FBXL18: variants seen among roughly 807,000 people sequenced by gnomAD.
FBXL18 encodes F-box/LRR-repeat protein 18.
FBXL18 carries 36 observed loss-of-function variants against 46.0 expected under a neutral mutation model. The observed-to-expected ratio is 0.78, with a 90% CI of 0.60 to 1.03. The LOEUF is 1.03. FBXL18 is among the 50% of genes least tolerant of loss of function. FBXL18 has a pLI of 0.00. For missense variants in FBXL18, 977 were observed against 1,004.1 expected (o/e 0.97, Z 0.36); for synonymous variants, 557 against 465.3 (o/e 1.20, Z -2.54).
chr7:5,509,137 G>A (rs982023350), intron 1 of FBXL18, among the ~76,000 whole-genome samples: 1 of 149,714 alleles, frequency 6.7e-6, no homozygotes, highest in African/African-American at 2.5e-5. Context: ...AGGTTGCAGT[G>A]AGCCGAGATC....
chr7:5,496,389 G>A lies in FBXL18; in HGVS notation c.1781+4099C>T, dbSNP rs1426688924. ...CCTCCCTTGCTGACAGCCTCTGCTC[G>A]GTCTCCCTTCCACATTCTTCTTCCT... On this transcript the variant is annotated intron_variant, in intron 3 of 4. Transcript: ENST00000382368. This position sits in a 1 kb window ranked among gnomAD's most constrained non-coding sequence, Gnocchi z 4.8. 2.0e-5 allele frequency among the ~76,000 whole-genome samples: 3 copies of A among 152,244 alleles called. No individual in the cohort carries two copies. The highest frequency in any genetic ancestry group is 3.4e-3 in the Middle Eastern group (1 of 294).
intron 4 of FBXL18, chr7:5,490,249 G>C (rs1240576529): frequency 7.7e-7 from 1 of 1,294,452 alleles, no homozygotes; most frequent in Non-Finnish European, 1.0e-6. Flanking sequence ...TTCATGTCCT[G>C]CTGCCCCCTT....
In FBXL18 at chr7:5,464,640, G is replaced by A. The variant is rs548385860; in HGVS notation, c.2001-16797C>T. 2.5e-4 allele frequency among the ~76,000 whole-genome samples: 27 copies of A among 110,160 alleles called. 1 individual carries two copies. Among genetic ancestry groups the A allele is most frequent in the Non-Finnish European group, 5.0e-5 (3 of 59,704 alleles). 72.3% of individuals were successfully genotyped at this position (110,160 alleles called of 152,430 possible). ...ATGACACCACTGAACTCTAGCCTGG[G>A]CCAATGAGCAAAACTCTTATCTCAA... On this transcript the variant is annotated intron_variant and NMD_transcript_variant, in intron 4 of 6. Transcript: ENST00000415009.
At chr7:5,511,424 CA>C (rs34809984) in intron 1 of FBXL18, among the ~76,000 whole-genome samples, 15,599 of 148,446 alleles carry the variant, frequency 0.11, 1,328 homozygotes, top group African/African-American at 0.24. Flanking sequence ...ACTAAAAATA[CA>C]AAAAAAAAAT....
chr7:5,489,343 G>C (rs1467815226), intron 4 of FBXL18: 3 of 518,300 alleles, frequency 5.8e-6, no homozygotes, highest in Non-Finnish European at 1.2e-5. Context: ...CTTAAAAATA[G>C]GTTGATGTTG....
At chr7:5,471,758 CCT>C (rs1783431386), downstream of FBXL18, among the ~76,000 whole-genome samples, 1 of 152,212 alleles carries the variant, frequency 6.6e-6, no homozygotes, top group Non-Finnish European at 1.5e-5. Context: ...GGTACAGACC[CCT>C]GACCTTTTCA....
In FBXL18 at chr7:5,491,391, G is replaced by C. The variant is rs748708670; in HGVS notation, c.1840C>G (p.Pro614Ala). The change falls in exon 4 of 5, where the codon CCC becomes GCC. Residue 614 changes from proline to alanine, a missense_variant. Physicochemically the swap from Pro to Ala is conservative, Grantham distance 27. Coordinates refer to ENST00000382368, the MANE Select transcript of FBXL18 (RefSeq NM_024963.6). ...AQFFQALSQC[P>A]SLQRLCLVSR... The stretch of plus-strand genomic sequence containing the variant: ...ACCAGGCACAGGCGCTGCAGCGAGG[G>C]GCACTGGCTCAGCGCCTGGAAGAAC... The C allele has an allele frequency of 2.7e-5, 44 of 1,607,052 alleles. No individual in the cohort carries two copies. Among genetic ancestry groups the C allele is most frequent in the Non-Finnish European group, 3.5e-5 (41 of 1,177,980 alleles).
intron 4 of FBXL18, among the ~76,000 whole-genome samples, chr7:5,466,236 C>T (rs576457791): frequency 6.6e-6 from 1 of 150,736 alleles, no homozygotes; most frequent in Non-Finnish European, 1.5e-5. Flanking sequence ...CTGGAAGAAA[C>T]GGTGTTAATT....
intron 4 of FBXL18, chr7:5,489,606 TAA>T (rs1283768581): frequency 2.9e-3 from 517 of 176,156 alleles, no homozygotes; most frequent in South Asian, 7.7e-3. Context: ...CCGTCTCTAC[TAA>T]AAAAAAAAAA....
At chr7:5,495,844 G>C (rs375178432) in intron 3 of FBXL18, 9 of 481,076 alleles carry the variant, frequency 1.9e-5, no homozygotes, top group Non-Finnish European at 3.0e-5. Context: ...TCTGGGAACC[G>C]GCATTTGTTC....
chr7:5,512,119 C>T (rs938760528), intron 1 of FBXL18, among the ~76,000 whole-genome samples: 1 of 150,174 alleles, frequency 6.7e-6, no homozygotes, highest in Non-Finnish European at 1.5e-5. Flanking sequence ...GTGGCGGGCG[C>T]CCGTAGTCCC....
chr7:5,502,702 G>T (rs925735423), intron 2 of FBXL18, among the ~76,000 whole-genome samples: 19 of 151,676 alleles, frequency 1.3e-4, no homozygotes, highest in African/African-American at 4.4e-4. Flanking sequence ...GTGGTGGCAG[G>T]CACCTGTAAG....
In FBXL18 at chr7:5,500,805, G is replaced by C. The variant is rs374566223; in HGVS notation, c.1464C>G (p.Leu488=). 14 of 1,612,470 alleles carry C rather than the reference G, an allele frequency of 8.7e-6. No individual in the cohort carries two copies. Among genetic ancestry groups the C allele is most frequent in the African/African-American group, 4.0e-5 (3 of 74,908 alleles). Residue 488 remains leucine, a synonymous_variant, in exon 3 of 5, where the codon CTC becomes CTG. Transcript: ENST00000382368. The part of the protein sequence containing the change: ...LLKNLPFLEH[L]ELIGSNFSSA... Reference sequence around the variant, plus strand: ...AGGAGAAGTTGGACCCAATCAGCTCGAGGTGTTCCAGGAAGGGCAGGTTCT... The same window carrying C: ...AGGAGAAGTTGGACCCAATCAGCTCCAGGTGTTCCAGGAAGGGCAGGTTCT...
chr7:5,499,753 A>G (rs4075744), intron 3 of FBXL18, among the ~76,000 whole-genome samples: 68,354 of 148,428 alleles, frequency 0.46, 16,202 homozygotes, highest in East Asian at 0.69. Context: ...AAGAAAAAAA[A>G]AAAAAAAGCA....
intron 3 of FBXL18, among the ~76,000 whole-genome samples, chr7:5,499,486 C>T (rs928331950): frequency 2.0e-5 from 3 of 152,106 alleles, no homozygotes; most frequent in Non-Finnish European, 2.9e-5. Context: ...CCCAGAACTT[C>T]GGGAGGCTGA....
chr7:5,492,200 G>A (rs1049673167), intron 3 of FBXL18, among the ~76,000 whole-genome samples: 7 of 147,664 alleles, frequency 4.7e-5, no homozygotes, highest in Non-Finnish European at 1.0e-4. Context: ...AGTAGGGGAC[G>A]ACATTCTAGA....
rs1049587611 is a variant in FBXL18 at position 5,468,629 on chromosome 7, G to A, written c.2001-20786C>T. Reference sequence around the variant, plus strand: ...TTATTTAGTTAGTTATTGAGACAGCGTCTTACTCTGTTGCCCAGGCTGGAG... The same window carrying A: ...TTATTTAGTTAGTTATTGAGACAGCATCTTACTCTGTTGCCCAGGCTGGAG... On this transcript the variant is annotated intron_variant and NMD_transcript_variant, in intron 4 of 6. Coordinates refer to the FBXL18 transcript ENST00000415009. Among the ~76,000 whole-genome samples, 4 of 152,006 alleles carry A rather than the reference G, an allele frequency of 2.6e-5. No homozygotes were observed. In the East Asian group the frequency reaches 5.8e-4, roughly 22 times the overall value.
At chr7:5,457,424 C>G (rs569648064) in intron 4 of FBXL18, among the ~76,000 whole-genome samples, 2 of 152,270 alleles carry the variant, frequency 1.3e-5, no homozygotes, top group Admixed American at 1.3e-4. Context: ...TGAAGCCTAC[C>G]CTACCACTGC....
At chr7:5,502,052 G>C in intron 2 of FBXL18, 21 bp from the exon 3 acceptor site, 1 of 1,536,876 alleles carries the variant, frequency 6.5e-7, no homozygotes, top group Non-Finnish European at 8.8e-7. Context: ...GAGGCAGGGT[G>C]GGGAGAGGAA....
Sources: allele counts gnomAD v4.1 joint callset (sites outside exome capture counted in the v4.1 genomes callset), GRCh38; gene constraint gnomAD v4.1.1; non-coding constraint Gnocchi (gnomAD v3.1); transcripts MANE v1.5; gene names NCBI Gene and HGNC (gene_info 2026-07-23, HGNC 2026-07-21).